SLC35D4: variants seen among roughly 807,000 people sequenced by gnomAD.
SLC35D4 encodes solute carrier family 35 member D4.
At chr18:23,301,632 T>G in the SLC35D4 span, among the ~76,000 whole-genome samples, 2 of 152,232 alleles carry the variant, frequency 1.3e-5, no homozygotes, top group Non-Finnish European at 2.9e-5. Context: ...CATGGAATCC[T>G]TAGAACAAAG....
chr18:23,364,933 A>AAAAAAAAAAAT, the SLC35D4 span, among the ~76,000 whole-genome samples: 73 of 15,782 alleles, frequency 4.6e-3, 14 homozygotes, highest in African/African-American at 6.1e-3. Context: ...AAAAAAAAAA[A>AAAAAAAAAAAT]GGACTCCTTT....
At chr18:23,294,591 C>G in the SLC35D4 span, among the ~76,000 whole-genome samples, 2 of 152,100 alleles carry the variant, frequency 1.3e-5, no homozygotes, top group African/African-American at 4.8e-5. Context: ...GAGACCCCAT[C>G]TCTACAAAGA....
At chr18:23,307,171 G>C in the SLC35D4 span, among the ~76,000 whole-genome samples, 1 of 152,264 alleles carries the variant, frequency 6.6e-6, no homozygotes, top group African/African-American at 2.4e-5. Context: ...AGAGGAGTTT[G>C]AGGGAGTGAA....
At chr18:23,433,641 C>T in the SLC35D4 span, among the ~76,000 whole-genome samples, 1 of 152,206 alleles carries the variant, frequency 6.6e-6, no homozygotes. Flanking sequence ...CCTAGGGCAG[C>T]TTCCTTTGAC....
the SLC35D4 span, among the ~76,000 whole-genome samples, chr18:23,276,787 T>C: frequency 6.6e-6 from 1 of 152,038 alleles, no homozygotes. Context: ...CCAGCTGCAA[T>C]CCCATTCCCC....
chr18:23,289,765 T>C, the SLC35D4 span, among the ~76,000 whole-genome samples: 1 of 152,140 alleles, frequency 6.6e-6, no homozygotes, highest in Non-Finnish European at 1.5e-5. Flanking sequence ...GAAAATGGCC[T>C]GTTCCTGCCT....
chr18:23,427,301 A>T, the SLC35D4 span, among the ~76,000 whole-genome samples: 8 of 152,222 alleles, frequency 5.3e-5, no homozygotes, highest in South Asian at 2.1e-4. Context: ...GAATCTACAA[A>T]GAACTCCAAC....
the SLC35D4 span, chr18:23,352,167 G>A: frequency 6.3e-7 from 1 of 1,577,210 alleles, no homozygotes; most frequent in Non-Finnish European, 8.6e-7. Flanking sequence ...GCTCTTGAGA[G>A]AGAATTTCCC....
the SLC35D4 span, among the ~76,000 whole-genome samples, chr18:23,292,300 A>G: frequency 6.6e-6 from 1 of 152,198 alleles, no homozygotes; most frequent in Non-Finnish European, 1.5e-5. Context: ...CAAGCTTGAG[A>G]ACCAACAAAC....
At chr18:23,303,947 G>A in the SLC35D4 span, among the ~76,000 whole-genome samples, 1 of 150,460 alleles carries the variant, frequency 6.6e-6, no homozygotes, top group African/African-American at 2.4e-5. Context: ...TGGGAGTGGT[G>A]GCTCCCTCCT....
the SLC35D4 span, among the ~76,000 whole-genome samples, chr18:23,394,285 A>T: frequency 1.2e-4 from 18 of 151,970 alleles, no homozygotes; most frequent in Admixed American, 6.6e-4. Context: ...TATAGTTCTG[A>T]TTTGCATTTT....
chr18:23,364,879 G>A, the SLC35D4 span, among the ~76,000 whole-genome samples: 1 of 128,454 alleles, frequency 7.8e-6, no homozygotes, highest in Non-Finnish European at 1.6e-5. Flanking sequence ...CTCCAGCCTG[G>A]GCAACAGAGT....
chr18:23,265,368 G>A, the SLC35D4 span, among the ~76,000 whole-genome samples: 2 of 152,032 alleles, frequency 1.3e-5, no homozygotes, highest in Non-Finnish European at 2.9e-5. Flanking sequence ...CCCAATGCAC[G>A]AGCCATCAAG....
the SLC35D4 span, among the ~76,000 whole-genome samples, chr18:23,332,343 T>C: frequency 6.6e-6 from 1 of 152,220 alleles, no homozygotes. Flanking sequence ...TCCACAACAC[T>C]GAACATAACT....
At chr18:23,375,462 AAATGCAAAAAATGTTACC>A in the SLC35D4 span, among the ~76,000 whole-genome samples, 1 of 152,252 alleles carries the variant, frequency 6.6e-6, no homozygotes, top group Non-Finnish European at 1.5e-5. Flanking sequence ...GCAAGAAAGC[AAATGCAAAAAATGTTACC>A]AATGGGTGAA....
At chr18:23,423,600 A>T in the SLC35D4 span, among the ~76,000 whole-genome samples, 1 of 152,218 alleles carries the variant, frequency 6.6e-6, no homozygotes, top group East Asian at 1.9e-4. Flanking sequence ...ACCCCGGTCT[A>T]GTGAAAGTAA....
chr18:23,427,027 T>G, the SLC35D4 span, among the ~76,000 whole-genome samples: 1 of 152,168 alleles, frequency 6.6e-6, no homozygotes, highest in Admixed American at 6.5e-5. Flanking sequence ...TCAAGATGGA[T>G]TAAAGACTTA....
chr18:23,306,368 G>A, the SLC35D4 span, among the ~76,000 whole-genome samples: 79 of 151,952 alleles, frequency 5.2e-4, no homozygotes, highest in African/African-American at 1.8e-3. Context: ...GTGCAATGGC[G>A]CGATCTCGGC....
the SLC35D4 span, among the ~76,000 whole-genome samples, chr18:23,320,943 G>C: frequency 6.6e-6 from 1 of 152,110 alleles, no homozygotes; most frequent in Non-Finnish European, 1.5e-5. Context: ...GCAGCCTCCT[G>C]CACCACCCCA....
Sources: allele counts gnomAD v4.1 joint callset (sites outside exome capture counted in the v4.1 genomes callset), GRCh38; gene constraint gnomAD v4.1.1; transcripts MANE v1.5; gene names NCBI Gene and HGNC (gene_info 2026-07-23, HGNC 2026-07-21).